The following ETV7 variants were observed in gnomAD, a reference collection of about 807,000 sequenced individuals.
ETV7 encodes the protein ETS variant transcription factor 7, also known as transcription factor ETV7.
In ETV7, 43 loss-of-function variants were observed where a neutral mutation model predicts 39.1. That is an observed-to-expected ratio of 1.10 (90% CI 0.86 to 1.42). The LOEUF (loss-of-function observed/expected upper bound fraction) is 1.42, where lower values mean the gene tolerates loss of function less well. ETV7 is among the 40% of genes most tolerant of loss of function. ETV7 has a pLI of 0.00. For missense variants in ETV7, 432 were observed against 442.3 expected (o/e 0.98, Z 0.21); for synonymous variants, 196 against 176.6 (o/e 1.11, Z -0.87).
chr6:36,355,702 C>T (rs930703704), intron 7 of ETV7, among the ~76,000 whole-genome samples: 2 of 152,182 alleles, frequency 1.3e-5, no homozygotes, highest in Non-Finnish European at 2.9e-5. Flanking sequence ...TGTGAGCCAC[C>T]GCACCCAGCC....
intron 5 of ETV7, among the ~76,000 whole-genome samples, chr6:36,370,709 G>A (rs1772973675): frequency 6.6e-6 from 1 of 151,740 alleles, no homozygotes; most frequent in South Asian, 2.1e-4. Context: ...AAGAATAAAT[G>A]CAGTGTCACT....
Position 36,366,890 on chromosome 6 carries a change from T to C in ETV7, c.893A>G (p.Gln298Arg), listed in dbSNP as rs1365547367. The C allele has an allele frequency of 6.2e-7, 1 of 1,614,086 alleles. No homozygotes were observed. Among genetic ancestry groups the C allele is most frequent in the South Asian group, 1.1e-5 (1 of 91,074 alleles). Residue 298 changes from glutamine to arginine, a missense_variant, in exon 7 of 8, where the codon CAG becomes CGG. By Grantham distance (43) the Gln-to-Arg change is conservative. Transcript: ENST00000340181. ...KLNIIKKEPG[Q>R]KLLFRFLKTP... is the part of the protein sequence containing the mutation. ...GGCCACTCACCTGAACAGGAGTTTC[T>C]GCCCCGGTTCCTTCTTAATGATATT...
downstream of ETV7, among the ~76,000 whole-genome samples, chr6:36,362,753 A>G (rs989169823): frequency 6.6e-6 from 1 of 152,156 alleles, no homozygotes; most frequent in Admixed American, 6.5e-5. Context: ...TCTGGCAGTG[A>G]TTCATGCCTG....
Position 36,387,660 on chromosome 6 carries a change from C to A in ETV7, c.-119G>T. 4 of 1,166,856 alleles carry A rather than the reference C, an allele frequency of 3.4e-6. No homozygotes were observed. Among genetic ancestry groups the A allele is most frequent in the South Asian group, 1.3e-5 (1 of 77,150 alleles). The allele number at this position is 1,166,856 out of a possible 1,614,324, so 72.3% of individuals were successfully genotyped here. On this transcript the variant is annotated 5_prime_UTR_variant, in exon 1 of 8. Coordinates refer to ENST00000340181, the MANE Select transcript of ETV7 (RefSeq NM_016135.4). The stretch of plus-strand genomic sequence containing the variant: ...CTCCGCCAAACCCCTAACCTGGCTC[C>A]GAGAACTGGAAGGTCGCGTGGGAGG...
intron 7 of ETV7, among the ~76,000 whole-genome samples, chr6:36,354,948 CATAG>C (rs1184436989): frequency 6.6e-6 from 1 of 152,162 alleles, no homozygotes; most frequent in African/African-American, 2.4e-5. Flanking sequence ...TGTTCATTGT[CATAG>C]ATAGAAATAC....
chr6:36,375,964 G>A lies in ETV7; in HGVS notation c.214C>T (p.Leu72=). Residue 72 remains leucine (L), a synonymous_variant, in exon 3 of 8, where the codon CTG becomes TTG. Transcript: ENST00000340181. The part of the protein sequence containing the change: ...WLRWAEQEYS[L]PCTAEHGFEM... ...AACCCGTGCTCCGCGGTGCATGGCA[G>A]AGAGTACTCCTGCTCTGCCCAGCGC... 1 of 1,613,288 alleles carries A rather than the reference G, an allele frequency of 6.2e-7. No individual in the cohort carries two copies. Among genetic ancestry groups the A allele is most frequent in the Non-Finnish European group, 8.5e-7 (1 of 1,180,044 alleles).
chr6:36,370,393 G>T (rs929803119), intron 5 of ETV7, among the ~76,000 whole-genome samples: 11 of 152,110 alleles, frequency 7.2e-5, no homozygotes, highest in African/African-American at 2.4e-4. Flanking sequence ...AAATTAGCCA[G>T]GTGTGGTGGT....
rs1378165202 is a variant in ETV7 at position 36,373,585 on chromosome 6, G to A, written c.308-7C>T. ...AGCTCATACAGGACGTCACCTGGAGGTGGGTGGGAGGGAGGGCAGGCTGCT... is the reference window on the plus strand; with the variant it reads ...AGCTCATACAGGACGTCACCTGGAGATGGGTGGGAGGGAGGGCAGGCTGCT... On this transcript the variant is annotated splice_region_variant and splice_polypyrimidine_tract_variant and intron_variant, in intron 3 of 7. Coordinates refer to ENST00000340181, the MANE Select transcript of ETV7 (RefSeq NM_016135.4). 4.6e-6 allele frequency: 7 copies of A among 1,521,856 alleles called. No homozygotes were observed. The highest frequency in any genetic ancestry group is 6.2e-6 in the Non-Finnish European group (7 of 1,135,224). The allele number at this position is 1,521,856 out of a possible 1,614,324, so 94.3% of individuals were successfully genotyped here.
downstream of ETV7, among the ~76,000 whole-genome samples, chr6:36,363,390 A>G (rs6457902): frequency 6.0e-3 from 794 of 133,336 alleles, 6 homozygotes; most frequent in South Asian, 0.025. Flanking sequence ...CCGTGGGCTC[A>G]TGGGCTCGCT....
intron 3 of ETV7, among the ~76,000 whole-genome samples, chr6:36,375,463 A>G (rs1052641651): frequency 1.3e-5 from 2 of 152,132 alleles, no homozygotes; most frequent in African/African-American, 4.8e-5. Flanking sequence ...GTCATATTGG[A>G]AGTCAAGGAT....
chr6:36,361,983 T>C (rs1331409087), downstream of ETV7, among the ~76,000 whole-genome samples: 2 of 152,056 alleles, frequency 1.3e-5, no homozygotes, highest in Admixed American at 6.5e-5. Flanking sequence ...AGTGAAACCC[T>C]GTCTCTACTA....
At chr6:36,375,414 T>G (rs1247090253) in intron 3 of ETV7, among the ~76,000 whole-genome samples, 1 of 152,192 alleles carries the variant, frequency 6.6e-6, no homozygotes, top group East Asian at 1.9e-4. Context: ...TGACATTCAT[T>G]CCTTTGCCCT....
At chr6:36,369,483 G>A (rs1231231655) in intron 5 of ETV7, among the ~76,000 whole-genome samples, 1 of 152,184 alleles carries the variant, frequency 6.6e-6, no homozygotes, top group East Asian at 1.9e-4. Context: ...CACTCACTCA[G>A]CCCCCTGGAC....
chr6:36,375,042 C>G (rs1178243711), intron 3 of ETV7, among the ~76,000 whole-genome samples: 1 of 145,764 alleles, frequency 6.9e-6, no homozygotes, highest in Non-Finnish European at 1.5e-5. Context: ...ACACTCCAGC[C>G]TGGGCGACAA....
In ETV7 at chr6:36,387,549, G is replaced by A; in HGVS notation, c.-8C>T. On this transcript the variant is annotated 5_prime_UTR_variant, in exon 1 of 8. Coordinates refer to ENST00000340181, the MANE Select transcript of ETV7 (RefSeq NM_016135.4). ...CCAGGCTCTTACCTGCATTACAGGT[G>A]GAGGTGAGGAAGCCACCGGCTTTCT... 6.2e-7 allele frequency: 1 copy of A among 1,614,070 alleles called. No homozygotes were observed.
In ETV7 at chr6:36,356,004, A is replaced by G. The variant is rs1365451411; in HGVS notation, c.909-1317T>C. Among the ~76,000 whole-genome samples the G allele has an allele frequency of 2.6e-5, 4 of 152,250 alleles. 1 individual carries two copies. The highest frequency in any genetic ancestry group is 1.5e-5 in the Non-Finnish European group (1 of 68,038). ...GTATCAAACAATCCCTTGACTAAAA[A>G]TTGTACCTCCTTAAGAAATAGACCT... On this transcript the variant is annotated intron_variant, in intron 7 of 7. Transcript: ENST00000339796.
intron 3 of ETV7, among the ~76,000 whole-genome samples, chr6:36,374,236 G>T (rs556614218): frequency 8.6e-5 from 13 of 152,012 alleles, no homozygotes; most frequent in Non-Finnish European, 1.5e-4. Context: ...GCATATCTGT[G>T]GTCCCAGCTA....
chr6:36,384,089 C>T (rs1229277657), intron 2 of ETV7, among the ~76,000 whole-genome samples: 1 of 152,238 alleles, frequency 6.6e-6, no homozygotes, highest in African/African-American at 2.4e-5. Context: ...TTAGGATTCA[C>T]TGTCCCCAGA....
downstream of ETV7, among the ~76,000 whole-genome samples, chr6:36,361,416 T>C (rs1030801439): frequency 6.6e-6 from 1 of 152,224 alleles, no homozygotes; most frequent in African/African-American, 2.4e-5. Flanking sequence ...TCTACAAACC[T>C]TTTGTGAGAA....
Sources: gnomAD v4.1 joint callset for allele counts (sites outside exome capture counted in the v4.1 genomes callset) on GRCh38, gnomAD v4.1.1 for gene constraint, MANE v1.5 for transcripts, NCBI Gene and HGNC (gene_info 2026-07-23, HGNC 2026-07-21) for gene names.